Variants in ITGAE observed in about 807,000 individuals in gnomAD.
ITGAE encodes integrin alpha-E.
ITGAE carries 99 observed loss-of-function variants against 136.5 expected under a neutral mutation model. That is an observed-to-expected ratio of 0.73 (90% CI 0.62 to 0.86). The LOEUF (loss-of-function observed/expected upper bound fraction) is 0.86, where lower values mean the gene tolerates loss of function less well. Ranked by LOEUF, ITGAE falls within the 40% of genes least tolerant of loss-of-function variation. The pLI, the probability that ITGAE is intolerant of heterozygous loss-of-function variation, is 0.00. For missense variants in ITGAE, 1,447 were observed against 1,515.3 expected (o/e 0.95, Z 0.75); for synonymous variants, 613 against 591.8 (o/e 1.04, Z -0.52).
chr17:3,793,828 G>A (rs1015903934), intron 1 of ITGAE, among the ~76,000 whole-genome samples: 2 of 152,112 alleles, frequency 1.3e-5, no homozygotes, highest in Admixed American at 6.5e-5. Context: ...TTACAGGTGT[G>A]AGCCACTGCA....
At chr17:3,781,876 C>A (rs993756197) in intron 1 of ITGAE, among the ~76,000 whole-genome samples, 1 of 152,118 alleles carries the variant, frequency 6.6e-6, no homozygotes, top group East Asian at 1.9e-4. Flanking sequence ...CTCTGCCCCA[C>A]TGACCTCATC....
intron 11 of ITGAE, 38 bp from the exon 12 acceptor site, chr17:3,755,299 G>C (rs1444309011): frequency 6.6e-6 from 10 of 1,520,228 alleles, no homozygotes; most frequent in Non-Finnish European, 7.9e-6. Flanking sequence ...TGAGTGGGAG[G>C]GACCCAAGGC....
intron 2 of ITGAE, among the ~76,000 whole-genome samples, chr17:3,764,435 G>A (rs1220376889): frequency 2.0e-5 from 3 of 152,190 alleles, no homozygotes; most frequent in South Asian, 2.1e-4. Context: ...GGCGGCTCAC[G>A]CCTGTAATCC....
intron 1 of ITGAE, among the ~76,000 whole-genome samples, chr17:3,783,218 G>A (rs35484718): frequency 1.4e-4 from 21 of 152,264 alleles, no homozygotes; most frequent in Non-Finnish European, 2.6e-4. Flanking sequence ...TTGGCTCACC[G>A]CAACCTCTGG....
At chr17:3,793,531 TG>T (rs1358812945) in intron 1 of ITGAE, among the ~76,000 whole-genome samples, 6 of 152,164 alleles carry the variant, frequency 3.9e-5, no homozygotes, top group African/African-American at 1.4e-4. Flanking sequence ...TCTGGATTCG[TG>T]GGGGAGCAGC....
At chr17:3,776,062 T>C (rs2052532003) in intron 2 of ITGAE, among the ~76,000 whole-genome samples, 1 of 147,334 alleles carries the variant, frequency 6.8e-6, no homozygotes, top group Non-Finnish European at 1.5e-5. Context: ...CCCTTTTTTT[T>C]TTTTTTTTTT....
At position 3,743,584 on chromosome 17, in the gene ITGAE, C is replaced by T. The variant is rs2051637330; in HGVS notation, c.2353G>A (p.Val785Ile). ...CEEDCFSNAS[V>I]KVSYQLQTPE... Reference sequence around the variant, plus strand: ...GTCTGGAGCTGGTAGCTGACTTTGACACTGGCATTGGAGAAGCAGTCCTCC... The same window carrying T: ...GTCTGGAGCTGGTAGCTGACTTTGATACTGGCATTGGAGAAGCAGTCCTCC... The change falls in exon 19 of 31, where the codon GTC becomes ATC. Residue 785 changes from valine (V) to isoleucine (I), a missense_variant. Physicochemically the swap from Val to Ile is conservative, Grantham distance 29 (BLOSUM62 3). Transcript: ENST00000263087. 3.1e-6 allele frequency: 5 copies of T among 1,613,318 alleles called. No homozygotes were observed. The highest frequency in any genetic ancestry group is 4.5e-5 in the East Asian group (2 of 44,864).
In ITGAE at chr17:3,723,320, C is replaced by A. The variant is rs377713338; in HGVS notation, c.3205G>T (p.Ala1069Ser). 1 of 1,613,584 alleles carries A rather than the reference C, an allele frequency of 6.2e-7. No homozygotes were observed. The highest frequency in any genetic ancestry group is 8.5e-7 in the Non-Finnish European group (1 of 1,179,576). Residue 1069 changes from alanine (A) to serine (S), a missense_variant, in exon 28 of 31, where the codon GCT (alanine) becomes TCT (serine). By Grantham distance (99) the Ala-to-Ser change is moderately conservative. Around this residue, in one of 3 missense-constraint regions of ITGAE, gnomAD observed 1,031 missense variants for 1,011.4 expected, o/e 1.02. Transcript: ENST00000263087. ...GAGTGATCCCAGGAGATCTCTGCAG[C>A]CACGGTGACATTTTCTTTATCTGAA... The part of the protein sequence containing the change: ...IASDKENVTV[A>S]AEISWDHSEE...
intron 5 of ITGAE, 49 bp downstream of exon 5, chr17:3,761,354 A>G (rs938820952): frequency 2.6e-6 from 4 of 1,557,174 alleles, no homozygotes; most frequent in East Asian, 2.3e-5. Context: ...TTGGAGACCA[A>G]GGAGATCTCT....
chr17:3,725,021 G>C, intron 26 of ITGAE: 1 of 1,614,186 alleles, frequency 6.2e-7, no homozygotes. Flanking sequence ...GCCAAAAGCT[G>C]GGAAAAGATT....
At chr17:3,749,144 G>A (rs756555573) in intron 16 of ITGAE, among the ~76,000 whole-genome samples, 13 of 151,528 alleles carry the variant, frequency 8.6e-5, no homozygotes, top group Admixed American at 2.0e-4. Flanking sequence ...TGACGCCTAC[G>A]TTTTCATCCT....
rs1006091012 is a variant in ITGAE at position 3,772,723 on chromosome 17, C to T, written c.155+4817G>A. On this transcript the variant is annotated intron_variant, in intron 2 of 30. Coordinates refer to ENST00000263087, the MANE Select transcript of ITGAE (RefSeq NM_002208.5). ...AAATGATCTGCCCGCCTCAGCCTCC[C>T]AAAGTGCTGGGATTACAGGCGTGAG... 2.0e-5 allele frequency among the ~76,000 whole-genome samples: 3 copies of T among 152,152 alleles called. No individual in the cohort carries two copies. The East Asian group carries it at 5.8e-4, about 29-fold the overall frequency.
At chr17:3,774,393 T>C (rs755309548) in intron 2 of ITGAE, among the ~76,000 whole-genome samples, 7 of 151,764 alleles carry the variant, frequency 4.6e-5, no homozygotes, top group Non-Finnish European at 7.4e-5. Context: ...TGGATTGAAA[T>C]CAATGACAGA....
At chr17:3,778,213 T>C (rs1422549124) in intron 1 of ITGAE, among the ~76,000 whole-genome samples, 2 of 152,206 alleles carry the variant, frequency 1.3e-5, no homozygotes, top group East Asian at 1.9e-4. Flanking sequence ...AGTAGAATCC[T>C]ACTCAGGAGT....
At chr17:3,731,699 A>G (rs376846779) in intron 22 of ITGAE, among the ~76,000 whole-genome samples, 12 of 152,186 alleles carry the variant, frequency 7.9e-5, no homozygotes, top group African/African-American at 2.6e-4. Flanking sequence ...AGGCGGCCTC[A>G]TTCCCCTTTT....
intron 30 of ITGAE, among the ~76,000 whole-genome samples, chr17:3,716,319 C>G (rs2050943510): frequency 6.6e-6 from 1 of 152,152 alleles, no homozygotes; most frequent in Non-Finnish European, 1.5e-5. Flanking sequence ...ACAGTCACAT[C>G]TGTTTTAAGG....
intron 29 of ITGAE, 164 bp from the exon 30 acceptor site, chr17:3,716,962 T>C: frequency 1.7e-6 from 1 of 572,970 alleles, no homozygotes; most frequent in Non-Finnish European, 3.1e-6. Context: ...TGATGCAGCA[T>C]TTTAGATCAT....
rs2143004612 is a variant in ITGAE at position 3,714,716 on chromosome 17, G to A, written c.*131C>T. ...CACAGACACTTTTGGGACAATGTAT[G>A]GTTAAAAACTAATATTCTACCAACA... On this transcript the variant is annotated 3_prime_UTR_variant, in exon 31 of 31. Coordinates refer to ENST00000263087, the MANE Select transcript of ITGAE (RefSeq NM_002208.5). 1.1e-5 allele frequency: 6 copies of A among 566,306 alleles called. No homozygotes were observed. The South Asian group carries it at 1.2e-4, about 11-fold the overall frequency. The allele number at this position is 566,306 out of a possible 1,614,324, so 35.1% of individuals were successfully genotyped here.
At chr17:3,725,543 C>G (rs745912738) in intron 26 of ITGAE, 3 of 1,614,212 alleles carry the variant, frequency 1.9e-6, no homozygotes, top group Non-Finnish European at 2.5e-6. Flanking sequence ...TGCCAGAGAT[C>G]ATCATCTCCA....
Sources: gnomAD v4.1 joint callset for allele counts (sites outside exome capture counted in the v4.1 genomes callset) on GRCh38, gnomAD v4.1.1 for gene constraint, gnomAD v4.1.1 regional missense constraint, MANE v1.5 for transcripts, NCBI Gene and HGNC (gene_info 2026-07-23, HGNC 2026-07-21) for gene names.